Variants in CWF19L2 observed in about 807,000 individuals in gnomAD.
CWF19L2 encodes CWF19-like protein 2.
A neutral mutation model predicts 111.7 loss-of-function variants in CWF19L2; 98 were observed. The observed-to-expected ratio is 0.88, with a 90% CI of 0.75 to 1.04. CWF19L2 has a LOEUF of 1.04. Among genes scored for constraint, CWF19L2 ranks in the 50% least tolerant of loss-of-function variants. The pLI, the probability that CWF19L2 is intolerant of heterozygous loss-of-function variation, is 0.00. For missense variants in CWF19L2, 1,101 were observed against 1,051.4 expected (o/e 1.05, Z -0.65); for synonymous variants, 351 against 342.9 (o/e 1.02, Z -0.26).
At chr11:107,423,662 T>C (rs1012139934) in intron 8 of CWF19L2, among the ~76,000 whole-genome samples, 1 of 151,916 alleles carries the variant, frequency 6.6e-6, no homozygotes, top group African/African-American at 2.4e-5. Flanking sequence ...TTACGCAGTA[T>C]TTCTACAATC....
chr11:107,387,428 G>A (rs999062250), intron 12 of CWF19L2, among the ~76,000 whole-genome samples: 2 of 144,782 alleles, frequency 1.4e-5, no homozygotes, highest in African/African-American at 5.2e-5. Context: ...ACCAAATCAT[G>A]ACACAGCCTT....
At chr11:107,417,154 C>T (rs1033944792) in intron 9 of CWF19L2, among the ~76,000 whole-genome samples, 3 of 152,176 alleles carry the variant, frequency 2.0e-5, no homozygotes, top group Admixed American at 6.5e-5. Context: ...CATAAGACTA[C>T]TTAAAGATCC....
At chr11:107,436,965 T>G (rs1284342108) in intron 6 of CWF19L2, among the ~76,000 whole-genome samples, 2 of 152,168 alleles carry the variant, frequency 1.3e-5, no homozygotes, top group East Asian at 3.8e-4. Flanking sequence ...TGTACAAATA[T>G]TCCCATTACT....
intron 3 of CWF19L2, among the ~76,000 whole-genome samples, chr11:107,443,449 C>A (rs149717028): frequency 6.6e-6 from 1 of 152,062 alleles, no homozygotes; most frequent in Non-Finnish European, 1.5e-5. Context: ...CACCACTGCA[C>A]TCCAACCTGG....
At position 107,368,529 on chromosome 11, in the gene CWF19L2, C is replaced by A. The variant is rs1037228097; in HGVS notation, c.1873-14793G>T. ...GTAACTACTAAACTTCATGAATAAT[C>A]ATATACAGAAGAGAAGAAAGATATA... is the stretch of plus-strand genomic sequence containing the variant. On this transcript the variant is annotated intron_variant, in intron 12 of 17. Coordinates refer to ENST00000282251, the MANE Select transcript of CWF19L2 (RefSeq NM_152434.3). 1.5e-5 allele frequency among the ~76,000 whole-genome samples: 2 copies of A among 137,702 alleles called. 1 individual carries two copies. Among genetic ancestry groups the A allele is most frequent in the Non-Finnish European group, 3.1e-5 (2 of 64,212 alleles). The allele number at this position is 137,702 out of a possible 152,430, so 90.3% of individuals were successfully genotyped here. A position where few individuals can be genotyped will look rare whatever the true frequency, so the allele number is the denominator to read the frequency against.
At chr11:107,410,232 G>A (rs1051966874) in intron 10 of CWF19L2, among the ~76,000 whole-genome samples, 1 of 151,814 alleles carries the variant, frequency 6.6e-6, no homozygotes, top group African/African-American at 2.4e-5. Context: ...CCTCTAGAAC[G>A]TCATCAAATC....
chr11:107,384,134 T>C (rs1451100398), intron 12 of CWF19L2, among the ~76,000 whole-genome samples: 1 of 152,182 alleles, frequency 6.6e-6, no homozygotes, highest in East Asian at 1.9e-4. Context: ...AGACTCTTGT[T>C]TTATAAATTT....
At chr11:107,349,367 T>C (rs1860126578) in intron 13 of CWF19L2, among the ~76,000 whole-genome samples, 1 of 152,138 alleles carries the variant, frequency 6.6e-6, no homozygotes, top group Admixed American at 6.6e-5. Context: ...ACAATATCCT[T>C]AATCTGAAGG....
intron 15 of CWF19L2, among the ~76,000 whole-genome samples, chr11:107,335,530 C>T (rs1859909830): frequency 6.6e-6 from 1 of 152,124 alleles, no homozygotes; most frequent in African/African-American, 2.4e-5. Context: ...CAACTCAATG[C>T]TTTTATTTAC....
At chr11:107,419,163 T>C (rs1214929236) in intron 8 of CWF19L2, among the ~76,000 whole-genome samples, 1 of 152,178 alleles carries the variant, frequency 6.6e-6, no homozygotes, top group Non-Finnish European at 1.5e-5. Flanking sequence ...GAACTGCTTA[T>C]CCAGTCCCAC....
chr11:107,343,875 CAGTT>C (rs1860040967), intron 14 of CWF19L2, among the ~76,000 whole-genome samples: 1 of 152,136 alleles, frequency 6.6e-6, no homozygotes, highest in Admixed American at 6.5e-5. Context: ...TACTCTCCCT[CAGTT>C]AGAATAAAAT....
chr11:107,452,782 G>A (rs886944647), intron 3 of CWF19L2, among the ~76,000 whole-genome samples: 3 of 152,184 alleles, frequency 2.0e-5, no homozygotes, highest in African/African-American at 4.8e-5. Context: ...CTAGAGCCCA[G>A]GAGTTCGAGA....
intron 15 of CWF19L2, among the ~76,000 whole-genome samples, chr11:107,335,936 T>C (rs909502592): frequency 6.6e-6 from 1 of 152,118 alleles, no homozygotes; most frequent in Non-Finnish European, 1.5e-5. Flanking sequence ...AAAGGTTTAG[T>C]GTAGGCCAGG....
rs146846176 is a variant in CWF19L2 at position 107,411,089 on chromosome 11, G to GCACACACACACACACA, written c.1617+5104_1617+5119dup. On this transcript the variant is annotated intron_variant, in intron 10 of 17. Coordinates refer to ENST00000282251, the MANE Select transcript of CWF19L2 (RefSeq NM_152434.3). ...GTGGTGTGTGTGTGCGCGCGTGCGT[G>GCACACACACACACACA]CACACACACACACACACACACACAC... is the stretch of plus-strand genomic sequence containing the variant. Among the ~76,000 whole-genome samples, 1,050 of 148,768 alleles carry GCACACACACACACACA rather than the reference G, an allele frequency of 7.1e-3. 8 individuals are homozygous for GCACACACACACACACA. The highest frequency in any genetic ancestry group is 0.024 in the African/African-American group (967 of 40,248).
Position 107,330,002 on chromosome 11 carries a change from A to G in CWF19L2, c.2457T>C (p.Pro819=). 5.1e-6 allele frequency: 8 copies of G among 1,578,042 alleles called. No individual in the cohort carries two copies. Among genetic ancestry groups the G allele is most frequent in the Non-Finnish European group, 6.9e-6 (8 of 1,161,814 alleles). The change falls in exon 17 of 18, where the codon CCT becomes CCC. Residue 819 remains proline (P), a synonymous_variant. Transcript: ENST00000282251. ...DIRKSVPRGL[P]YFSVDFGLHG... is the part of the protein sequence containing the mutation. Reference sequence around the variant, plus strand: ...GAAGGCCAAAATCCACAGAGAAGTAAGGTAACCCTCTGGGTACCTAAATAA... The same window carrying G: ...GAAGGCCAAAATCCACAGAGAAGTAGGGTAACCCTCTGGGTACCTAAATAA...
chr11:107,436,140 G>A (rs11212233), intron 6 of CWF19L2, among the ~76,000 whole-genome samples: 4,089 of 146,260 alleles, frequency 0.028, 105 homozygotes, highest in East Asian at 0.11. Flanking sequence ...GTGACAGAGC[G>A]AGACTCCACA....
intron 13 of CWF19L2, among the ~76,000 whole-genome samples, chr11:107,349,874 G>C (rs964820823): frequency 3.3e-5 from 5 of 151,954 alleles, no homozygotes; most frequent in African/African-American, 7.3e-5. Context: ...AAGAAATAAA[G>C]ATTAAGGGTC....
Position 107,454,578 on chromosome 11 carries a change from A to C in CWF19L2, c.217-6T>G. On this transcript the variant is annotated splice_region_variant and splice_polypyrimidine_tract_variant and intron_variant, in intron 2 of 17. Coordinates refer to ENST00000282251, the MANE Select transcript of CWF19L2 (RefSeq NM_152434.3). ...TTTTTCTTCACAGAGTGTTCCTACA[A>C]TCATTTTGAACAGGCAAGAAAATAA... is the stretch of plus-strand genomic sequence containing the variant. The C allele has an allele frequency of 7.3e-7, 1 of 1,370,702 alleles. No individual in the cohort carries two copies. Among genetic ancestry groups the C allele is most frequent in the Non-Finnish European group, 9.4e-7 (1 of 1,062,122 alleles). The allele number at this position is 1,370,702 out of a possible 1,614,324, so 84.9% of individuals were successfully genotyped here.
chr11:107,443,052 AAGAACATTT>A lies in CWF19L2; in HGVS notation c.340-12_340-4del. ...TCAACCCACTCATCTTCAGAGCTCT[AAGAACATTT>A]AGCATATAAGTGAAATTGTCAAATT... is the stretch of plus-strand genomic sequence containing the variant. On this transcript the variant is annotated splice_polypyrimidine_tract_variant and splice_region_variant and intron_variant, in intron 3 of 17. Coordinates refer to ENST00000282251, the MANE Select transcript of CWF19L2 (RefSeq NM_152434.3). 6.5e-7 allele frequency: 1 copy of A among 1,527,022 alleles called. No individual in the cohort carries two copies. Among genetic ancestry groups the A allele is most frequent in the Non-Finnish European group, 8.9e-7 (1 of 1,124,208 alleles). The allele number at this position is 1,527,022 out of a possible 1,614,324, so 94.6% of individuals were successfully genotyped here.
Sources: allele counts gnomAD v4.1 joint callset (sites outside exome capture counted in the v4.1 genomes callset), GRCh38; gene constraint gnomAD v4.1.1; transcripts MANE v1.5; gene names NCBI Gene and HGNC (gene_info 2026-07-23, HGNC 2026-07-21).